TLN1: variants seen among roughly 807,000 people sequenced by gnomAD.
The protein encoded by TLN1 is talin 1, also known as talin-1.
In TLN1, 56 loss-of-function variants were observed where a neutral mutation model predicts 292.3. That is an observed-to-expected ratio of 0.19 (90% CI 0.15 to 0.24). TLN1 has a LOEUF of 0.24. Among genes scored for constraint, TLN1 ranks in the 10% least tolerant of loss-of-function variants. The pLI, the probability that TLN1 is intolerant of heterozygous loss-of-function variation, is 1.00. For synonymous variants in TLN1, 1,119 were observed against 1,253.7 expected (o/e 0.89, Z 2.27); for missense variants, 2,433 against 3,248.2 (o/e 0.75, Z 6.10).
rs540448378 is a variant in TLN1 at position 35,714,443 on chromosome 9, T to C, written c.2986-70A>G. 21 of 1,574,242 alleles carry C rather than the reference T, an allele frequency of 1.3e-5. No homozygotes were observed. The African/African-American group carries it at 2.4e-4, about 18-fold the overall frequency. On this transcript the variant is annotated intron_variant, in intron 23 of 56. Transcript: ENST00000314888. This position sits in a 1 kb window ranked among gnomAD's most constrained non-coding sequence, Gnocchi z 4.6. ...TGGGCTTGGGTACAAGGACTGATGA[T>C]GGTCAGGATGTAGGGAACACTGGGG...
At chr9:35,710,053 A>G (rs1277503178) in intron 33 of TLN1, among the ~76,000 whole-genome samples, 1 of 147,384 alleles carries the variant, frequency 6.8e-6, no homozygotes, top group African/African-American at 2.5e-5. Flanking sequence ...TTACTAAAAA[A>G]AAAAAAAAAA....
chr9:35,706,585 A>C lies in TLN1; in HGVS notation c.5089-34T>G, dbSNP rs201309621. 1.2e-5 allele frequency: 20 copies of C among 1,608,000 alleles called. No homozygotes were observed. Among genetic ancestry groups the C allele is most frequent in the Non-Finnish European group, 1.7e-5 (20 of 1,175,248 alleles). ...GAAGTGGACATTAGCCCTGATGGTG[A>C]CCTGCAATAGGACCCTCTGGCTACA... On this transcript the variant is annotated intron_variant, in intron 38 of 56. Transcript: ENST00000314888. The surrounding 1 kb of genome is among the most constrained non-coding windows in gnomAD (Gnocchi z 4.2).
chr9:35,710,238 A>G (rs967386734), intron 33 of TLN1, among the ~76,000 whole-genome samples: 2 of 151,476 alleles, frequency 1.3e-5, no homozygotes, highest in African/African-American at 2.4e-5. Context: ...AAAAAAAAAA[A>G]AAAAAGAAAG....
At position 35,703,550 on chromosome 9, in the gene TLN1, T is replaced by A. The variant is rs754833917; in HGVS notation, c.6474+10A>T. 24 of 1,613,440 alleles carry A rather than the reference T, an allele frequency of 1.5e-5. No homozygotes were observed. The highest frequency in any genetic ancestry group is 2.0e-5 in the Non-Finnish European group (24 of 1,179,466). ...GACCCTAGTCACTGATGCCCCAGACTCTCACTCACCGCCAGCTCCTGCCGT... is the reference window on the plus strand; with the variant it reads ...GACCCTAGTCACTGATGCCCCAGACACTCACTCACCGCCAGCTCCTGCCGT... On this transcript the variant is annotated intron_variant, in intron 48 of 56. Transcript: ENST00000314888.
intron 48 of TLN1, among the ~76,000 whole-genome samples, chr9:35,702,110 G>T (rs988959700): frequency 2.0e-5 from 3 of 152,198 alleles, no homozygotes; most frequent in Non-Finnish European, 4.4e-5. Flanking sequence ...AGGGAACCAG[G>T]GAGGAGGAAT....
rs1825943253 is a variant in TLN1 at position 35,724,982 on chromosome 9, CAG to C, written c.229-25_229-24del. On this transcript the variant is annotated intron_variant, in intron 3 of 56. Transcript: ENST00000314888. The surrounding 1 kb of genome is among the most constrained non-coding windows in gnomAD (Gnocchi z 4.7). The stretch of plus-strand genomic sequence containing the variant: ...GTCCTGTTAGGGCAGGAAGAAGAGA[CAG>C]GGGCCTACTCTGAGCTAGGGGTATT... The C allele has an allele frequency of 1.2e-6, 2 of 1,613,644 alleles. No individual in the cohort carries two copies. Among genetic ancestry groups the C allele is most frequent in the South Asian group, 1.1e-5 (1 of 91,068 alleles).
chr9:35,710,760 A>G, intron 32 of TLN1, 37 bp downstream of exon 32: 1 of 1,613,886 alleles, frequency 6.2e-7, no homozygotes, highest in Non-Finnish European at 8.5e-7. Flanking sequence ...GCTCCATCCT[A>G]CTGCCCTCTC....
In TLN1 at chr9:35,717,001, G is replaced by C. The variant is rs1825796484; in HGVS notation, c.2458+145C>G. On this transcript the variant is annotated intron_variant, in intron 19 of 56. Coordinates refer to ENST00000314888, the MANE Select transcript of TLN1 (RefSeq NM_006289.4). This position sits in a 1 kb window ranked among gnomAD's most constrained non-coding sequence, Gnocchi z 4.7. Reference sequence around the variant, plus strand: ...AGCAGAGGGTTCAGAGAGCTTTAATGATGAGCCTATGGTTGTGTGGCTGGC... The same window carrying C: ...AGCAGAGGGTTCAGAGAGCTTTAATCATGAGCCTATGGTTGTGTGGCTGGC... The C allele has an allele frequency of 1.2e-6, 1 of 858,556 alleles. No homozygotes were observed. The highest frequency in any genetic ancestry group is 1.7e-5 in the African/African-American group (1 of 59,018). The allele number at this position is 858,556 out of a possible 1,614,324, so 53.2% of individuals were successfully genotyped here.
Position 35,699,065 on chromosome 9 carries a change from C to G in TLN1, c.6966G>C (p.Lys2322Asn), listed in dbSNP as rs762923546. 1 of 1,613,918 alleles carries G rather than the reference C, an allele frequency of 6.2e-7. No homozygotes were observed. The highest frequency in any genetic ancestry group is 1.7e-5 in the Admixed American group (1 of 59,978). ...AAAAIEAAAK[K>N]LEQLKPRAKP... ...TGGCCCGGGGCTTCAGCTGCTCTAG[C>G]TTTTTGGCTGCAGCCTCAATGGCGG... is the stretch of plus-strand genomic sequence containing the variant. Residue 2322 changes from lysine to asparagine, a missense_variant, in exon 52 of 57, where the codon AAG (lysine) becomes AAC (asparagine). By Grantham distance (94) the Lys-to-Asn change is moderately conservative. Transcript: ENST00000314888. The surrounding 1 kb of genome is among the most constrained non-coding windows in gnomAD (Gnocchi z 4.0).
Position 35,721,807 on chromosome 9 carries a change from T to C in TLN1, c.949-4A>G, listed in dbSNP as rs574961943. The C allele has an allele frequency of 1.2e-6, 2 of 1,607,896 alleles. No homozygotes were observed. The highest frequency in any genetic ancestry group is 1.7e-6 in the Non-Finnish European group (2 of 1,174,668). On this transcript the variant is annotated splice_region_variant and splice_polypyrimidine_tract_variant and intron_variant, in intron 9 of 56. Transcript: ENST00000314888. The stretch of plus-strand genomic sequence containing the variant: ...TGTTCTTCCCTTTCATTTTTTCCTA[T>C]GAGGCAGAGGTTGGTGTTGGTGTTA...
At position 35,721,774 on chromosome 9, in the gene TLN1, C is replaced by A. The variant is rs780313820; in HGVS notation, c.978G>T (p.Val326=). ...KEKMKGKNKL[V]PRLLGITKEC... ...CCTTGGTGATGCCCAGAAGCCTGGGCACTAGCTTGTTCTTCCCTTTCATTT... is the reference window on the plus strand; with the variant it reads ...CCTTGGTGATGCCCAGAAGCCTGGGAACTAGCTTGTTCTTCCCTTTCATTT... The change falls in exon 10 of 57, where the codon GTG becomes GTT. Residue 326 remains valine (V), a synonymous_variant. Transcript: ENST00000314888. 2 of 1,613,010 alleles carry A rather than the reference C, an allele frequency of 1.2e-6. No homozygotes were observed. Among genetic ancestry groups the A allele is most frequent in the South Asian group, 2.2e-5 (2 of 91,076 alleles).
In TLN1 at chr9:35,717,967, A is replaced by C. The variant is rs1825814717; in HGVS notation, c.1996-181T>G. ...ACCCAGCAGGACAGAACCCCCACCG[A>C]GGAACAAACCCACACCAAGAGAAAA... On this transcript the variant is annotated intron_variant, in intron 17 of 56. Transcript: ENST00000314888. This position sits in a 1 kb window ranked among gnomAD's most constrained non-coding sequence, Gnocchi z 4.7. Among the ~76,000 whole-genome samples, 1 of 152,166 alleles carries C rather than the reference A, an allele frequency of 6.6e-6. No homozygotes were observed. The highest frequency in any genetic ancestry group is 2.4e-5 in the African/African-American group (1 of 41,438).
chr9:35,704,294 G>C lies in TLN1; in HGVS notation c.6047+38C>G. On this transcript the variant is annotated intron_variant, in intron 45 of 56. Coordinates refer to ENST00000314888, the MANE Select transcript of TLN1 (RefSeq NM_006289.4). This position sits in a 1 kb window ranked among gnomAD's most constrained non-coding sequence, Gnocchi z 6.9. ...CCTGCCTCTTCCAGCCCCGTGCCCC[G>C]ACCTGTCTGCCTCCCTTAGGCCCAG... is the stretch of plus-strand genomic sequence containing the variant. The C allele has an allele frequency of 6.2e-7, 1 of 1,601,754 alleles. No individual in the cohort carries two copies. The highest frequency in any genetic ancestry group is 2.2e-5 in the East Asian group (1 of 44,798).
In TLN1 at chr9:35,722,230, A is replaced by G; in HGVS notation, c.844-7T>C. On this transcript the variant is annotated splice_region_variant and splice_polypyrimidine_tract_variant and intron_variant, in intron 8 of 56. Coordinates refer to ENST00000314888, the MANE Select transcript of TLN1 (RefSeq NM_006289.4). ...GCCCACAATTCTTGTGTGCCTGTGC[A>G]TAAAATGGGGAAGAATTTAGCAAAG... 6.2e-7 allele frequency: 1 copy of G among 1,612,944 alleles called. No homozygotes were observed. The highest frequency in any genetic ancestry group is 8.5e-7 in the Non-Finnish European group (1 of 1,178,868).
rs745844999 is a variant in TLN1, at chr9:35,704,417, T to C, written c.5962A>G (p.Ile1988Val). 6.2e-7 allele frequency: 1 copy of C among 1,614,200 alleles called. No homozygotes were observed. Among genetic ancestry groups the C allele is most frequent in the South Asian group, 1.1e-5 (1 of 91,086 alleles). Residue 1988 changes from isoleucine to valine, a missense_variant, in exon 45 of 57, where the codon ATC becomes GTC. Physicochemically the swap from Ile to Val is conservative, Grantham distance 29. Around this residue, in one of 7 missense-constraint regions of TLN1, gnomAD observed 1,384 missense variants for 1,699.6 expected, o/e 0.81. Coordinates refer to ENST00000314888, the MANE Select transcript of TLN1 (RefSeq NM_006289.4). The surrounding 1 kb of genome is among the most constrained non-coding windows in gnomAD (Gnocchi z 6.9). ...ATGGTGGTGTCGAGGTCAGCAATGA[T>C]ACCAGACACAGCGCTGGCTGCTGTG... ...CITAASAVSG[I>V]IADLDTTIMF...
chr9:35,706,377 G>A lies in TLN1; in HGVS notation c.5191-11C>T, dbSNP rs1825565680. The A allele has an allele frequency of 1.2e-6, 2 of 1,610,592 alleles. No homozygotes were observed. The highest frequency in any genetic ancestry group is 1.7e-6 in the Non-Finnish European group (2 of 1,178,046). On this transcript the variant is annotated splice_polypyrimidine_tract_variant and intron_variant, in intron 39 of 56. Coordinates refer to ENST00000314888, the MANE Select transcript of TLN1 (RefSeq NM_006289.4). This position sits in a 1 kb window ranked among gnomAD's most constrained non-coding sequence, Gnocchi z 4.2. ...CGCCATCTGGGACACCTGAGGCAAG[G>A]GGTTGGACTAGGGGTCAGGTCCCCT...
chr9:35,706,491 C>A lies in TLN1; in HGVS notation c.5149G>T (p.Ala1717Ser). 4.3e-6 allele frequency: 7 copies of A among 1,614,084 alleles called. No homozygotes were observed. The highest frequency in any genetic ancestry group is 5.9e-6 in the Non-Finnish European group (7 of 1,179,992). The change falls in exon 39 of 57, where the codon GCC becomes TCC. Residue 1717 changes from alanine (A) to serine (S), a missense_variant. By Grantham distance (99) the Ala-to-Ser change is moderately conservative (BLOSUM62 1). This residue lies in a region of TLN1 where 1,384 missense variants were observed against 1,699.6 expected (regional missense o/e 0.81). Coordinates refer to ENST00000314888, the MANE Select transcript of TLN1 (RefSeq NM_006289.4). This position sits in a 1 kb window ranked among gnomAD's most constrained non-coding sequence, Gnocchi z 4.2. ...QEISHLIEPL[A>S]NAARAEASQL... ...GAGGCTTCAGCCCGGGCAGCATTGG[C>A]CAGCGGCTCAATGAGATGGGAGATC...
Position 35,701,336 on chromosome 9 carries a change from G to A in TLN1, c.6475-960C>T, listed in dbSNP as rs537821211. Among the ~76,000 whole-genome samples the A allele has an allele frequency of 1.4e-4, 22 of 152,282 alleles. No homozygotes were observed. The South Asian group carries it at 4.4e-3, about 30-fold the overall frequency. On this transcript the variant is annotated intron_variant, in intron 48 of 56. Transcript: ENST00000314888. ...CTGTCACCCAGGCTGGAGTGCACTG[G>A]AGTGATCATAGTTCACTGCAGACTT...
chr9:35,706,649 T>C lies in TLN1; in HGVS notation c.5089-98A>G. The C allele has an allele frequency of 1.3e-6, 2 of 1,581,688 alleles. No individual in the cohort carries two copies. The highest frequency in any genetic ancestry group is 4.5e-5 in the East Asian group (2 of 44,658). On this transcript the variant is annotated intron_variant, in intron 38 of 56. Coordinates refer to ENST00000314888, the MANE Select transcript of TLN1 (RefSeq NM_006289.4). This position sits in a 1 kb window ranked among gnomAD's most constrained non-coding sequence, Gnocchi z 4.2. ...CTGTCCATACCAAATACCCTAACCC[T>C]CCTTCGCACATCCCAGCCTTTGATG...
Sources: allele counts gnomAD v4.1 joint callset (sites outside exome capture counted in the v4.1 genomes callset), GRCh38; gene constraint gnomAD v4.1.1; regional missense constraint gnomAD v4.1.1; non-coding constraint Gnocchi (gnomAD v3.1); transcripts MANE v1.5; gene names NCBI Gene and HGNC (gene_info 2026-07-23, HGNC 2026-07-21).